The following TGDS variants were observed in gnomAD, a reference collection of about 807,000 sequenced individuals.
TGDS encodes the protein UDP-D-glucose 4,6-dehydratase.
A neutral mutation model predicts 52.3 loss-of-function variants in TGDS; 47 were observed. The ratio of observed to expected loss-of-function variants is 0.90; its 90% CI spans 0.71 to 1.15. TGDS has a LOEUF of 1.15. Ranked by LOEUF, TGDS falls within the 50% of genes most tolerant of loss-of-function variation. TGDS has a pLI of 0.00. For synonymous variants in TGDS, 115 were observed against 136.9 expected (o/e 0.84, Z 1.12); for missense variants, 375 against 418.4 (o/e 0.90, Z 0.90).
upstream of TGDS, chr13:94,596,252 A>T: frequency 8.5e-7 from 1 of 1,175,504 alleles, no homozygotes; most frequent in Non-Finnish European, 1.2e-6. Context: ...CAGAGCAGCC[A>T]GAGGCAGCTT....
At position 94,574,801 on chromosome 13, in the gene TGDS, A is replaced by G. The variant is rs2139509772; in HGVS notation, c.1034T>C (p.Leu345Ser). 1.2e-6 allele frequency: 2 copies of G among 1,607,342 alleles called. No homozygotes were observed. Among genetic ancestry groups the G allele is most frequent in the Non-Finnish European group, 1.7e-6 (2 of 1,174,540 alleles). ...FHNWKNVEKA[L>S]EPFPV Reference sequence around the variant, plus strand: ...TGGTGATTATACCGGAAAGGGTTCTAATGCCTTTTCCACATTCTTCCAGTT... The same window carrying G: ...TGGTGATTATACCGGAAAGGGTTCTGATGCCTTTTCCACATTCTTCCAGTT... Residue 345 changes from leucine to serine, a missense_variant, in exon 12 of 12, where the codon TTA (leucine) becomes TCA (serine). Transcript: ENST00000261296.
At chr13:94,587,922 A>G (rs1306747285) in intron 4 of TGDS, among the ~76,000 whole-genome samples, 1 of 147,080 alleles carries the variant, frequency 6.8e-6, no homozygotes, top group Non-Finnish European at 1.5e-5. Context: ...GCATGAACCC[A>G]GGAGGCAGAG....
chr13:94,585,110 C>T (rs567663393), intron 4 of TGDS, among the ~76,000 whole-genome samples: 6 of 151,794 alleles, frequency 4.0e-5, no homozygotes, highest in Admixed American at 1.3e-4. Context: ...AGTGTAGTGG[C>T]GCAATCTCAG....
At chr13:94,584,684 G>C (rs983990017) in intron 4 of TGDS, among the ~76,000 whole-genome samples, 1 of 152,176 alleles carries the variant, frequency 6.6e-6, no homozygotes, top group Non-Finnish European at 1.5e-5. Context: ...AGAAAGGGCT[G>C]ATTCCAGATC....
intron 6 of TGDS, among the ~76,000 whole-genome samples, chr13:94,580,546 T>C (rs1888753033): frequency 6.6e-6 from 1 of 152,136 alleles, no homozygotes; most frequent in African/African-American, 2.4e-5. Flanking sequence ...TTCCCACTCA[T>C]GAGGAGCCAC....
Position 94,581,181 on chromosome 13 carries a change from A to C in TGDS, c.465T>G (p.Asp155Glu). The C allele has an allele frequency of 6.4e-7, 1 of 1,568,924 alleles. No individual in the cohort carries two copies. The highest frequency in any genetic ancestry group is 8.6e-7 in the Non-Finnish European group (1 of 1,157,060). ...VYGGSLDKEF[D>E]ESSPKQPTNP... ...TTGTAGGTTGTTTGGGTGAAGATTC[A>C]TCAAATTCCTATTTTTAAAAATATA... Residue 155 changes from aspartate to glutamate, a missense_variant, in exon 6 of 12, where the codon GAT becomes GAG. Transcript: ENST00000261296.
intron 1 of TGDS, 57 bp downstream of exon 1, chr13:94,595,994 G>A: frequency 6.2e-7 from 1 of 1,602,204 alleles, no homozygotes; most frequent in Non-Finnish European, 8.6e-7. Context: ...GCAGAGCTGC[G>A]GGAAAAGGTA....
At chr13:94,596,231 G>A, upstream of TGDS, 1 of 1,371,778 alleles carries the variant, frequency 7.3e-7, no homozygotes, top group Non-Finnish European at 1.0e-6. Context: ...CTCGCTCGCG[G>A]GACACGTTAA....
chr13:94,588,321 G>T (rs1451575376), intron 4 of TGDS, among the ~76,000 whole-genome samples: 1 of 150,776 alleles, frequency 6.6e-6, no homozygotes. Flanking sequence ...TACTCAGGAG[G>T]CTGAGGCAGG....
intron 9 of TGDS, among the ~76,000 whole-genome samples, 160 bp downstream of exon 9, chr13:94,577,845 G>A (rs1888651042): frequency 6.6e-6 from 1 of 151,318 alleles, no homozygotes; most frequent in Non-Finnish European, 1.5e-5. Context: ...CTAAATAGGT[G>A]ATCCAACTTA....
intron 4 of TGDS, among the ~76,000 whole-genome samples, chr13:94,585,650 A>C (rs867049114): frequency 2.6e-5 from 4 of 152,206 alleles, no homozygotes; most frequent in South Asian, 2.1e-4. Context: ...ATACAAAAAA[A>C]TAAACCGGGC....
chr13:94,576,313 CT>C lies in TGDS; in HGVS notation c.982del (p.Ile328LeufsTer18). On this transcript the variant is annotated frameshift_variant and splice_region_variant, in exon 11 of 12. Transcript: ENST00000261296. LOFTEE classifies it high-confidence loss of function. ...CCCAAAATGATTAATTCAAAACATA[CT>C]TGTTTTCTTTATTCCTTCTTTCCAA... ...VPWKEGIKKT[I>X]EWYRENFHNW... is the part of the protein sequence containing the mutation. 1 of 1,580,332 alleles carries C rather than the reference CT, an allele frequency of 6.3e-7. No homozygotes were observed. Among genetic ancestry groups the C allele is most frequent in the Non-Finnish European group, 8.6e-7 (1 of 1,165,396 alleles).
At chr13:94,590,723 G>A in intron 4 of TGDS, 130 bp downstream of exon 4, 2 of 663,914 alleles carry the variant, frequency 3.0e-6, no homozygotes, top group East Asian at 3.0e-5. Flanking sequence ...CTGAGTTTAT[G>A]GATAACACAG....
At chr13:94,595,313 T>C (rs1246975190) in intron 1 of TGDS, among the ~76,000 whole-genome samples, 2 of 152,204 alleles carry the variant, frequency 1.3e-5, no homozygotes, top group Non-Finnish European at 2.9e-5. Context: ...TTTCTAGATA[T>C]GGTAGAGTTT....
rs541442014 is a variant in TGDS, at chr13:94,582,230, C to T, written c.456+864G>A. 4.0e-5 allele frequency among the ~76,000 whole-genome samples: 6 copies of T among 151,606 alleles called. No homozygotes were observed. The South Asian group carries it at 1.3e-3, about 32-fold the overall frequency. ...AAAAAAAAATAGATTTTGGTTTTTA[C>T]AAGAATTTTACACTGTCTCCTTGAA... On this transcript the variant is annotated intron_variant, in intron 5 of 11. Transcript: ENST00000261296.
In TGDS at chr13:94,596,073, C is replaced by G; in HGVS notation, c.64G>C (p.Val22Leu). Residue 22 changes from valine to leucine, a missense_variant, in exon 1 of 12, where the codon GTG (valine) becomes CTG (leucine). Transcript: ENST00000261296. ...LPGGFAKRVLVTGGAGFIASH... is the reference protein window; with the variant it reads ...LPGGFAKRVLLTGGAGFIASH... Reference sequence around the variant, plus strand: ...TACATGAAACCAGCACCGCCGGTCACCAGGACCCGCTTCGCAAAGCCGCCG... The same window carrying G: ...TACATGAAACCAGCACCGCCGGTCAGCAGGACCCGCTTCGCAAAGCCGCCG... The G allele has an allele frequency of 6.2e-7, 1 of 1,614,114 alleles. No homozygotes were observed. The highest frequency in any genetic ancestry group is 8.5e-7 in the Non-Finnish European group (1 of 1,179,982).
At chr13:94,587,914 A>G (rs1481044418) in intron 4 of TGDS, among the ~76,000 whole-genome samples, 1 of 148,314 alleles carries the variant, frequency 6.7e-6, no homozygotes, top group Non-Finnish European at 1.5e-5. Context: ...GGAGAATGGC[A>G]TGAACCCAGG....
chr13:94,576,507 C>T (rs930930248), intron 10 of TGDS, 96 bp from the exon 11 acceptor site: 2 of 702,786 alleles, frequency 2.8e-6, no homozygotes, highest in African/African-American at 1.9e-5. Flanking sequence ...TACCACAACC[C>T]AACTTTTCTC....
Position 94,578,740 on chromosome 13 carries a change from T to C in TGDS, c.649A>G (p.Asn217Asp), listed in dbSNP as rs1416599590. 2.0e-6 allele frequency: 3 copies of C among 1,532,808 alleles called. No individual in the cohort carries two copies. The highest frequency in any genetic ancestry group is 2.7e-6 in the Non-Finnish European group (3 of 1,111,308). The allele number at this position is 1,532,808 out of a possible 1,614,324, so 95.0% of individuals were successfully genotyped here. ...GTAATAATAACATACCATTTCCTGTTGTGCTGTAGCAAAGATATAAATTTT... is the reference window on the plus strand; with the variant it reads ...GTAATAATAACATACCATTTCCTGTCGTGCTGTAGCAAAGATATAAATTTT... Reference protein sequence around the residue: ...IPKFISLLQHNRKCCIHGSGL... With the variant: ...IPKFISLLQHDRKCCIHGSGL... The change falls in exon 8 of 12, where the codon AAC becomes GAC. Residue 217 changes from asparagine (N) to aspartate (D), a missense_variant. Coordinates refer to ENST00000261296, the MANE Select transcript of TGDS (RefSeq NM_014305.4).
Sources: allele counts gnomAD v4.1 joint callset (sites outside exome capture counted in the v4.1 genomes callset), GRCh38; gene constraint gnomAD v4.1.1; transcripts MANE v1.5; gene names NCBI Gene and HGNC (gene_info 2026-07-23, HGNC 2026-07-21).